TMPRSS9: variants seen among roughly 807,000 people sequenced by gnomAD.
The protein encoded by TMPRSS9 is transmembrane serine protease 9.
TMPRSS9 carries 113 observed loss-of-function variants against 111.4 expected under a neutral mutation model. That is an observed-to-expected ratio of 1.01 (90% CI 0.87 to 1.19). The LOEUF is 1.19. TMPRSS9 is among the 50% of genes most tolerant of loss of function. The pLI is 0.00. For synonymous variants in TMPRSS9, 805 were observed against 659.1 expected, an observed-to-expected ratio of 1.22 and a Z score of -3.39; for missense variants, 1,803 against 1,513.1, an observed-to-expected ratio of 1.19 and a Z score of -3.18.
At chr19:2,385,280 G>A (rs6510661), upstream of TMPRSS9, among the ~76,000 whole-genome samples, 71,579 of 149,546 alleles carry the variant, frequency 0.48, 19,282 homozygotes, top group African/African-American at 0.72. Context: ...TCCCGGTGGA[G>A]TCTGCCTGCC....
intron 1 of TMPRSS9, among the ~76,000 whole-genome samples, chr19:2,371,674 C>T (rs963754508): frequency 6.6e-6 from 1 of 151,100 alleles, no homozygotes; most frequent in Non-Finnish European, 1.5e-5. Context: ...TCCAGCCTGG[C>T]GACAGAGCAA....
chr19:2,407,783 AAT>A (rs1555679350), intron 7 of TMPRSS9, among the ~76,000 whole-genome samples: 8 of 144,314 alleles, frequency 5.5e-5, no homozygotes, highest in Non-Finnish European at 1.1e-4. Flanking sequence ...ACACCCCGCT[AAT>A]ATATATATAT....
chr19:2,387,172 C>T (rs931650945), upstream of TMPRSS9, among the ~76,000 whole-genome samples: 3 of 151,846 alleles, frequency 2.0e-5, no homozygotes, highest in Non-Finnish European at 4.4e-5. Context: ...GCCTGGGCAA[C>T]ATAACAAGAT....
intron 6 of TMPRSS9, among the ~76,000 whole-genome samples, chr19:2,404,717 T>C (rs1568181573): frequency 6.6e-6 from 1 of 151,988 alleles, no homozygotes; most frequent in Non-Finnish European, 1.5e-5. Flanking sequence ...GATCACTTGA[T>C]GTCAGGAGTT....
intron 11 of TMPRSS9, chr19:2,416,318 C>G: frequency 4.9e-6 from 3 of 607,648 alleles, no homozygotes; most frequent in Non-Finnish European, 8.4e-6. Context: ...CTGAGGGTCC[C>G]CTGACTTGTC....
intron 1 of TMPRSS9, among the ~76,000 whole-genome samples, chr19:2,379,726 CTCTT>C (rs1970371470): frequency 2.8e-5 from 4 of 142,816 alleles, no homozygotes; most frequent in African/African-American, 1.0e-4. Context: ...TCCTCTTTTT[CTCTT>C]TCTCTCTCTC....
At chr19:2,389,659 C>T (rs141106161), upstream of TMPRSS9, 1,547 of 1,187,748 alleles carry the variant, frequency 1.3e-3, 14 homozygotes, top group African/African-American at 0.018. Context: ...TGAGCCACCG[C>T]GCCCCGCCGT....
chr19:2,368,845 C>T (rs1221996634), intron 1 of TMPRSS9, among the ~76,000 whole-genome samples: 1 of 136,056 alleles, frequency 7.3e-6, no homozygotes, highest in African/African-American at 2.7e-5. Context: ...AGCACAGTGG[C>T]GCAATCTCAG....
At chr19:2,368,774 G>GT (rs762761358) in intron 1 of TMPRSS9, among the ~76,000 whole-genome samples, 1,350 of 70,368 alleles carry the variant, frequency 0.019, 116 homozygotes, top group East Asian at 0.029. Flanking sequence ...GATAAACCCA[G>GT]TTTTTTTTTT....
intron 14 of TMPRSS9, among the ~76,000 whole-genome samples, chr19:2,423,388 G>A (rs1029711366): frequency 2.7e-5 from 4 of 150,774 alleles, no homozygotes; most frequent in African/African-American, 4.9e-5. Flanking sequence ...GCCAGACGGT[G>A]CCAAGGCTGG....
At chr19:2,406,150 A>G (rs2145341510) in intron 7 of TMPRSS9, among the ~76,000 whole-genome samples, 1 of 149,950 alleles carries the variant, frequency 6.7e-6, no homozygotes, top group East Asian at 2.0e-4. Context: ...AGCTGGGAAT[A>G]CAGGCGCCCG....
exon 15 of TMPRSS9, chr19:2,424,208 G>A (rs1971539567): frequency 4.1e-6 from 6 of 1,446,890 alleles, no homozygotes; most frequent in African/African-American, 2.9e-5. Context: ...TTGCGGGGCC[G>A]TGCTGGTGGC....
chr19:2,402,281 A>G (rs1336638278), intron 5 of TMPRSS9, among the ~76,000 whole-genome samples: 1 of 152,024 alleles, frequency 6.6e-6, no homozygotes, highest in East Asian at 1.9e-4. Context: ...TATTATAAAA[A>G]ATAATAAAAA....
intron 1 of TMPRSS9, among the ~76,000 whole-genome samples, chr19:2,374,299 G>T (rs1332130793): frequency 7.9e-6 from 1 of 126,048 alleles, no homozygotes; most frequent in Non-Finnish European, 1.6e-5. Flanking sequence ...GAGGTAGGGC[G>T]CGGTGGCTCA....
exon 18 of TMPRSS9, chr19:2,426,060 G>A (rs1220310265): frequency 1.2e-6 from 2 of 1,609,454 alleles, no homozygotes; most frequent in African/African-American, 1.3e-5. Context: ...GCTGTGAGAG[G>A]CTGGATAGGA....
intron 7 of TMPRSS9, among the ~76,000 whole-genome samples, chr19:2,405,769 G>A (rs1215424334): frequency 1.3e-5 from 2 of 148,700 alleles, no homozygotes; most frequent in Admixed American, 6.8e-5. Context: ...GCAGTGACGC[G>A]ATCTTGGCTC....
At chr19:2,379,758 C>T (rs547840052) in intron 1 of TMPRSS9, among the ~76,000 whole-genome samples, 1 of 146,690 alleles carries the variant, frequency 6.8e-6, no homozygotes, top group South Asian at 2.1e-4. Flanking sequence ...CTCATTCTCT[C>T]TTTTCTCTCT....
At chr19:2,408,402 C>T (rs556963379) in exon 8 of TMPRSS9, 6 of 1,613,814 alleles carry the variant, frequency 3.7e-6, no homozygotes, top group Non-Finnish European at 5.1e-6. Flanking sequence ...TGCGACCTAC[C>T]TCAGCGGCTC....
At chr19:2,362,506 G>A (rs913730185) in intron 1 of TMPRSS9, among the ~76,000 whole-genome samples, 1 of 152,070 alleles carries the variant, frequency 6.6e-6, no homozygotes, top group African/African-American at 2.4e-5. Context: ...GTACGGTTGT[G>A]TGTGTGATTG....
Sources: gnomAD v4.1 joint callset for allele counts (sites outside exome capture counted in the v4.1 genomes callset) on GRCh38, gnomAD v4.1.1 for gene constraint, MANE v1.5 for transcripts, NCBI Gene and HGNC (gene_info 2026-07-23, HGNC 2026-07-21) for gene names.